HMCN2: variants seen among roughly 807,000 people sequenced by gnomAD.
HMCN2 encodes the protein hemicentin-2.
In HMCN2, 325 loss-of-function variants were observed where a neutral mutation model predicts 377.5. The observed-to-expected ratio is 0.86, with a 90% CI of 0.79 to 0.94. HMCN2 has a LOEUF of 0.94. HMCN2 is among the 40% of genes least tolerant of loss of function. The pLI, the probability that HMCN2 is intolerant of heterozygous loss-of-function variation, is 0.00. For missense variants in HMCN2, 4,543 were observed against 4,725.3 expected (o/e 0.96, Z 1.13); for synonymous variants, 2,007 against 2,046.8 (o/e 0.98, Z 0.53).
At position 130,359,404 on chromosome 9, in the gene HMCN2, G is replaced by GC; in HGVS notation, c.5768dup (p.Pro1924SerfsTer2). 7.7e-7 allele frequency: 1 copy of GC among 1,301,812 alleles called. No individual in the cohort carries two copies. 80.6% of individuals were successfully genotyped at this position (1,301,812 alleles called of 1,614,324 possible). ...CCTTGGAGTGTCTGGCTTCGGGCGTGCCCCCTCCTGGTAAGACCCCTCCTC... is the reference window on the plus strand; with the variant it reads ...CCTTGGAGTGTCTGGCTTCGGGCGTGCCCCCCTCCTGGTAAGACCCCTCCTC... On this transcript the variant is annotated frameshift_variant, in exon 37 of 98. Transcript: ENST00000683500. LOFTEE classifies it high-confidence loss of function.
At chr9:130,302,049 C>CTTTTTTTTTTT (rs60456645) in intron 8 of HMCN2, among the ~76,000 whole-genome samples, 2 of 147,450 alleles carry the variant, frequency 1.4e-5, no homozygotes, top group African/African-American at 2.5e-5. Flanking sequence ...TCTAGCTGTG[C>CTTTTTTTTTTT]TTTTTTTTTT....
At chr9:130,431,995 A>G (rs12552209) in intron 96 of HMCN2, among the ~76,000 whole-genome samples, 28,586 of 152,136 alleles carry the variant, frequency 0.19, 3,098 homozygotes, top group East Asian at 0.4. Flanking sequence ...AACAGGAACC[A>G]TGCCTGCCCT....
At chr9:130,273,647 G>A (rs373459977) in intron 1 of HMCN2, among the ~76,000 whole-genome samples, 3 of 152,222 alleles carry the variant, frequency 2.0e-5, no homozygotes, top group South Asian at 2.1e-4. Context: ...ATAGGCATGC[G>A]CCACCATGCC....
Position 130,371,000 on chromosome 9 carries a change from C to T in HMCN2, c.7106C>T (p.Thr2369Ile). 1.0e-6 allele frequency: 1 copy of T among 986,124 alleles called. No homozygotes were observed. The highest frequency in any genetic ancestry group is 1.2e-6 in the Non-Finnish European group (1 of 830,148). The allele number at this position is 986,124 out of a possible 1,614,324, so 61.1% of individuals were successfully genotyped here. A position where few individuals can be genotyped will look rare whatever the true frequency, so the allele number is the denominator to read the frequency against. ...CTCATTGGAGACTTGGACCCGCTGA[C>T]CAACATCACTGCTGCCTTGCACAGC... is the stretch of plus-strand genomic sequence containing the variant. ...PELIGDLDPL[T>I]NITAALHSPL... Residue 2369 changes from threonine (T) to isoleucine (I), a missense_variant, in exon 46 of 98, where the codon ACC becomes ATC. Around this residue, in one of 5 missense-constraint regions of HMCN2, gnomAD observed 1,032 missense variants for 1,285.1 expected, o/e 0.80. Coordinates refer to ENST00000683500, the MANE Select transcript of HMCN2 (RefSeq NM_001291815.2).
intron 15 of HMCN2, among the ~76,000 whole-genome samples, chr9:130,311,926 T>C (rs1294269244): frequency 1.3e-5 from 2 of 152,084 alleles, no homozygotes; most frequent in East Asian, 1.9e-4. Flanking sequence ...TAGGCTGGGC[T>C]GGGCCATGGG....
chr9:130,433,410 G>A lies in HMCN2; in HGVS notation c.14957G>A (p.Arg4986Gln). ...GTGGPSTLQY[R>Q]LLPLPLGVRA... The stretch of plus-strand genomic sequence containing the variant: ...GGCGGCCCCTCTACGCTGCAGTACC[G>A]GCTGCTGCCGCTGCCCCTGGGCGTG... The change falls in exon 98 of 98, where the codon CGG (arginine) becomes CAG (glutamine). Residue 4986 changes from arginine (R) to glutamine (Q), a missense_variant. This residue lies in a region of HMCN2 where 1,155 missense variants were observed against 1,157.7 expected (regional missense o/e 1.00). Coordinates refer to ENST00000683500, the MANE Select transcript of HMCN2 (RefSeq NM_001291815.2). 6.7e-7 allele frequency: 1 copy of A among 1,492,928 alleles called. No homozygotes were observed. Among genetic ancestry groups the A allele is most frequent in the Non-Finnish European group, 8.9e-7 (1 of 1,129,514 alleles). The allele number at this position is 1,492,928 out of a possible 1,614,324, so 92.5% of individuals were successfully genotyped here.
intron 80 of HMCN2, 132 bp from the exon 81 acceptor site, chr9:130,404,736 AT>A: frequency 7.9e-6 from 4 of 506,156 alleles, no homozygotes; most frequent in Non-Finnish European, 1.2e-5. Flanking sequence ...GCAATGGCCT[AT>A]GACTAGGGAG....
chr9:130,329,439 CTT>C lies in HMCN2; in HGVS notation c.3359+1983_3359+1984del, dbSNP rs869081836. On this transcript the variant is annotated intron_variant, in intron 22 of 97. Coordinates refer to ENST00000683500, the MANE Select transcript of HMCN2 (RefSeq NM_001291815.2). ...ATTTTGGTGGCTGTGAATAGCCTCA[CTT>C]TTTTTTTTTTTTTTTTTTCGGAGAT... Among the ~76,000 whole-genome samples the C allele has an allele frequency of 2.8e-3, 297 of 105,784 alleles. 2 individuals carry two copies. Among genetic ancestry groups the C allele is most frequent in the Middle Eastern group, 5.4e-3 (1 of 184 alleles). 69.4% of individuals were successfully genotyped at this position (105,784 alleles called of 152,430 possible).
intron 4 of HMCN2, among the ~76,000 whole-genome samples, chr9:130,286,911 A>G (rs1454580936): frequency 6.6e-6 from 1 of 151,940 alleles, no homozygotes; most frequent in East Asian, 1.9e-4. Context: ...TCGGGGCTCC[A>G]TGGTATCATC....
intron 83 of HMCN2, among the ~76,000 whole-genome samples, chr9:130,408,350 T>C (rs560182284): frequency 2.6e-5 from 4 of 152,252 alleles, no homozygotes; most frequent in Admixed American, 2.6e-4. Context: ...AGGGTTCTTG[T>C]TTTTTTATAG....
Position 130,361,207 on chromosome 9 carries a change from C to T in HMCN2, c.5950+603C>T, listed in dbSNP as rs1771638561. Among the ~76,000 whole-genome samples the T allele has an allele frequency of 2.0e-5, 3 of 152,218 alleles. No individual in the cohort carries two copies. Among genetic ancestry groups the T allele is most frequent in the Admixed American group, 1.3e-4 (2 of 15,282 alleles). On this transcript the variant is annotated intron_variant, in intron 38 of 97. Transcript: ENST00000683500. The surrounding 1 kb of genome is among the most constrained non-coding windows in gnomAD (Gnocchi z 4.8). ...TCAGTGTAGTGGAGGACACAGCAATCAGATCATTCCCCAGAGTACTACTTG... is the reference window on the plus strand; with the variant it reads ...TCAGTGTAGTGGAGGACACAGCAATTAGATCATTCCCCAGAGTACTACTTG...
chr9:130,424,995 G>C lies in HMCN2; in HGVS notation c.13520-14G>C. ...TCCCGTGGTGACTCTGGGCTGGGTG[G>C]GGATGGTTTGCAGGGGAGCTGCTCA... On this transcript the variant is annotated splice_polypyrimidine_tract_variant and intron_variant, in intron 88 of 97. Coordinates refer to ENST00000683500, the MANE Select transcript of HMCN2 (RefSeq NM_001291815.2). The C allele has an allele frequency of 6.5e-7, 1 of 1,538,000 alleles. No homozygotes were observed. The highest frequency in any genetic ancestry group is 8.8e-7 in the Non-Finnish European group (1 of 1,139,906).
At chr9:130,267,421 AC>A (rs141886671) in intron 1 of HMCN2, among the ~76,000 whole-genome samples, 33,015 of 133,472 alleles carry the variant, frequency 0.25, 3,683 homozygotes, top group South Asian at 0.32. Context: ...CAAACAAACA[AC>A]CCCCCCAAAT....
At chr9:130,350,575 A>G (rs2131520553) in intron 29 of HMCN2, among the ~76,000 whole-genome samples, 1 of 149,812 alleles carries the variant, frequency 6.7e-6, no homozygotes, top group South Asian at 2.1e-4. Flanking sequence ...TCCACGTAAC[A>G]TACAATTAGC....
At chr9:130,293,279 G>GTTTTTTTTTTTTTGTTTTT (rs1835903393) in intron 4 of HMCN2, among the ~76,000 whole-genome samples, 1 of 57,126 alleles carries the variant, frequency 1.8e-5, no homozygotes, top group East Asian at 6.3e-4. Flanking sequence ...ACTCACTAAA[G>GTTTTTTTTTTTTTGTTTTT]TTTTTTTTTT....
intron 72 of HMCN2, 32 bp downstream of exon 72, chr9:130,396,097 C>CCCCCAAA: frequency 8.1e-7 from 1 of 1,237,048 alleles, no homozygotes; most frequent in Non-Finnish European, 1.0e-6. Context: ...CCACCCTGCC[C>CCCCCAAA]ACCTTACCCC....
chr9:130,354,944 G>A lies in HMCN2; in HGVS notation c.5046G>A (p.Leu1682=), dbSNP rs1300976703. Residue 1682 remains leucine (L), a synonymous_variant, in exon 32 of 98, where the codon CTG becomes CTA. Transcript: ENST00000683500. The part of the protein sequence containing the change: ...ESRLETDGSV[L]RLESPGEASS... ...GGCTGGAGACAGACGGGAGTGTGCT[G>A]AGGCTGGAGAGCCCGGGGGAGGCAT... 11 of 1,303,330 alleles carry A rather than the reference G, an allele frequency of 8.4e-6. No homozygotes were observed. The highest frequency in any genetic ancestry group is 2.2e-4 in the Middle Eastern group (1 of 4,642). 80.7% of individuals were successfully genotyped at this position (1,303,330 alleles called of 1,614,324 possible). A position where few individuals can be genotyped will look rare whatever the true frequency, so the allele number is the denominator to read the frequency against.
rs2131639239 is a variant in HMCN2, at chr9:130,382,846, G to A, written c.8713G>A (p.Glu2905Lys). The change falls in exon 56 of 98, where the codon GAG becomes AAG. Residue 2905 changes from glutamate (E) to lysine (K), a missense_variant. By Grantham distance (56) the Glu-to-Lys change is moderately conservative. Coordinates refer to ENST00000683500, the MANE Select transcript of HMCN2 (RefSeq NM_001291815.2). ...CCCGAGCCCACGGCTGCAGGTCCTG[G>A]AGGACGGGCAAGTCTTGCAGGTCAG... The part of the protein sequence containing the change: ...FSPSPRLQVL[E>K]DGQVLQVSTA... 3 of 985,886 alleles carry A rather than the reference G, an allele frequency of 3.0e-6. No individual in the cohort carries two copies. Among genetic ancestry groups the A allele is most frequent in the South Asian group, 4.7e-5 (1 of 21,288 alleles). The allele number at this position is 985,886 out of a possible 1,614,324, so 61.1% of individuals were successfully genotyped here. A position where few individuals can be genotyped will look rare whatever the true frequency, so the allele number is the denominator to read the frequency against.
chr9:130,288,846 G>C (rs1169291128), intron 4 of HMCN2, among the ~76,000 whole-genome samples: 3 of 152,198 alleles, frequency 2.0e-5, no homozygotes, highest in African/African-American at 7.2e-5. Context: ...GGAAGGTGAG[G>C]ATCTCTCCCT....
Sources: gnomAD v4.1 joint callset for allele counts (sites outside exome capture counted in the v4.1 genomes callset) on GRCh38, gnomAD v4.1.1 for gene constraint, gnomAD v4.1.1 regional missense constraint, Gnocchi (gnomAD v3.1) non-coding constraint, MANE v1.5 for transcripts, NCBI Gene and HGNC (gene_info 2026-07-23, HGNC 2026-07-21) for gene names.